PDE3B: variants seen among roughly 807,000 people sequenced by gnomAD.
PDE3B encodes the protein cGMP-inhibited 3',5'-cyclic phosphodiesterase 3B.
PDE3B carries 66 observed loss-of-function variants against 116.8 expected under a neutral mutation model. The ratio of observed to expected loss-of-function variants is 0.56; its 90% CI spans 0.46 to 0.69. The LOEUF (loss-of-function observed/expected upper bound fraction) is 0.69. Ranked by LOEUF, PDE3B falls within the 30% of genes least tolerant of loss-of-function variation. PDE3B has a pLI of 0.00. For synonymous variants in PDE3B, 595 were observed against 533.6 expected, an observed-to-expected ratio of 1.12 and a Z score of -1.59; for missense variants, 1,384 against 1,368.1, an observed-to-expected ratio of 1.01 and a Z score of -0.18.
At chr11:14,735,015 C>T (rs1856560151) in intron 1 of PDE3B, among the ~76,000 whole-genome samples, 1 of 152,168 alleles carries the variant, frequency 6.6e-6, no homozygotes, top group Non-Finnish European at 1.5e-5. Context: ...TCTTTCATCT[C>T]TTTCAATCTA....
Position 14,644,144 on chromosome 11 carries a change from C to T in PDE3B, c.69C>T (p.Pro23=), listed in dbSNP as rs1392533689. The change falls in exon 1 of 16, where the codon CCC becomes CCT. Residue 23 remains proline, a synonymous_variant. Coordinates refer to ENST00000282096, the MANE Select transcript of PDE3B (RefSeq NM_000922.4). ...AGCCGCCGGATGGGGCCGGCTCGCC[C>T]CCCGAGAGTCTGAGGAACGGCTACG... The part of the protein sequence containing the change: ...SLQPPDGAGS[P]PESLRNGYVK... 5 of 1,591,600 alleles carry T rather than the reference C, an allele frequency of 3.1e-6. No homozygotes were observed. Among genetic ancestry groups the T allele is most frequent in the East Asian group, 2.3e-5 (1 of 43,720 alleles).
At chr11:14,892,185 A>C in the PDE3B span, 8 of 1,610,374 alleles carry the variant, frequency 5.0e-6, no homozygotes, top group Non-Finnish European at 6.8e-6. Flanking sequence ...CGCCCTCTTC[A>C]GCTCTCCAAA....
intron 2 of PDE3B, among the ~76,000 whole-genome samples, chr11:14,785,196 T>C (rs913479258): frequency 6.6e-6 from 1 of 152,148 alleles, no homozygotes; most frequent in African/African-American, 2.4e-5. Flanking sequence ...TTAATTTGCA[T>C]TCAGCAATTC....
chr11:14,868,522 G>A (rs782350363), intron 15 of PDE3B, among the ~76,000 whole-genome samples: 4 of 152,194 alleles, frequency 2.6e-5, no homozygotes, highest in Non-Finnish European at 5.9e-5. Context: ...TTACCAAACT[G>A]TAATGACATA....
intron 2 of PDE3B, chr11:14,772,646 C>A (rs1277393347): frequency 6.6e-6 from 1 of 151,840 alleles, no homozygotes; most frequent in Non-Finnish European, 1.5e-5. Flanking sequence ...TTTATATATA[C>A]ACAAATGGAA....
At chr11:14,740,661 T>C (rs977807718) in intron 1 of PDE3B, among the ~76,000 whole-genome samples, 2 of 152,220 alleles carry the variant, frequency 1.3e-5, no homozygotes, top group Non-Finnish European at 2.9e-5. Context: ...ATTTGTTTGC[T>C]CTTGCTTCTC....
the PDE3B span, among the ~76,000 whole-genome samples, chr11:14,894,892 G>A: frequency 6.6e-6 from 1 of 152,348 alleles, no homozygotes; most frequent in East Asian, 1.9e-4. Context: ...AGGGCAGCAG[G>A]AAGTTAAGTA....
chr11:14,663,210 G>T (rs1276469199), intron 1 of PDE3B, among the ~76,000 whole-genome samples: 3 of 152,056 alleles, frequency 2.0e-5, no homozygotes, highest in Admixed American at 6.5e-5. Flanking sequence ...TCCAAACTAA[G>T]CTTCATAAGT....
intron 1 of PDE3B, among the ~76,000 whole-genome samples, chr11:14,678,101 G>A (rs1416230561): frequency 6.6e-6 from 1 of 151,988 alleles, no homozygotes. Context: ...GCTGATTTTT[G>A]TATTTTTAGT....
At chr11:14,891,738 C>A in the PDE3B span, 1 of 1,332,116 alleles carries the variant, frequency 7.5e-7, no homozygotes, top group Non-Finnish European at 9.6e-7. Flanking sequence ...AGGACTGGAT[C>A]GCCTCGGAGC....
At chr11:14,671,164 T>G (rs1854354582) in intron 1 of PDE3B, among the ~76,000 whole-genome samples, 1 of 152,096 alleles carries the variant, frequency 6.6e-6, no homozygotes, top group Admixed American at 6.6e-5. Flanking sequence ...GTGAAATAAA[T>G]TTCAGGTAGT....
intron 4 of PDE3B, among the ~76,000 whole-genome samples, chr11:14,802,514 T>TA (rs1311437674): frequency 2.0e-5 from 3 of 152,174 alleles, no homozygotes; most frequent in African/African-American, 7.2e-5. Flanking sequence ...ACGAACTGGG[T>TA]ACCTCAGTTG....
At chr11:14,680,355 GGTTATATGTGATGTT>G in intron 1 of PDE3B, among the ~76,000 whole-genome samples, 1 of 152,258 alleles carries the variant, frequency 6.6e-6, no homozygotes, top group Non-Finnish European at 1.5e-5. Context: ...GGTCAGGCCT[GGTTATATGTGATGTT>G]CTCCTTTGGT....
chr11:14,653,614 G>A (rs1483099718), intron 1 of PDE3B, among the ~76,000 whole-genome samples: 3 of 151,010 alleles, frequency 2.0e-5, no homozygotes, highest in South Asian at 2.1e-4. Context: ...CCAAAGCTTC[G>A]GATTATATAA....
rs953046647 is a variant in PDE3B, at chr11:14,830,803, A to G, written c.1913A>G (p.Asp638Gly). 3.2e-6 allele frequency: 5 copies of G among 1,540,058 alleles called. No individual in the cohort carries two copies. The highest frequency in any genetic ancestry group is 4.3e-6 in the Non-Finnish European group (5 of 1,149,482). The change falls in exon 8 of 16, where the codon GAT becomes GGT. Residue 638 changes from aspartate (D) to glycine (G), a missense_variant. By Grantham distance (94) the Asp-to-Gly change is moderately conservative. Around this residue, in one of 2 missense-constraint regions of PDE3B, gnomAD observed 956 missense variants for 806.8 expected, o/e 1.18. Transcript: ENST00000282096. The stretch of plus-strand genomic sequence containing the variant: ...AGCAGAAAATTATTTCAGGAAGGTG[A>G]TAAGTGGCTAACAGAAGAGGCACAG... ...KDSRKLFQEG[D>G]KWLTEEAQSE...
chr11:14,825,583 C>T (rs951928515), intron 7 of PDE3B, among the ~76,000 whole-genome samples: 1 of 151,974 alleles, frequency 6.6e-6, no homozygotes, highest in Non-Finnish European at 1.5e-5. Flanking sequence ...TTCAATAAGA[C>T]CTAACTATTC....
Position 14,789,133 on chromosome 11 carries a change from C to G in PDE3B, c.1306C>G (p.Pro436Ala). Residue 436 changes from proline to alanine, a missense_variant, in exon 4 of 16, where the codon CCA (proline) becomes GCA (alanine). By Grantham distance (27) the Pro-to-Ala change is conservative (BLOSUM62 -1). Coordinates refer to ENST00000282096, the MANE Select transcript of PDE3B (RefSeq NM_000922.4). ...KGLNRNSLPT[P>A]QLRRSSGTSG... Reference sequence around the variant, plus strand: ...ACTAAATAGGAATAGTTTGCCAACTCCACAGCTGAGGAGAAGCTCAGGAAC... The same window carrying G: ...ACTAAATAGGAATAGTTTGCCAACTGCACAGCTGAGGAGAAGCTCAGGAAC... The G allele has an allele frequency of 6.2e-7, 1 of 1,610,648 alleles. No homozygotes were observed. Among genetic ancestry groups the G allele is most frequent in the South Asian group, 1.1e-5 (1 of 90,788 alleles).
the PDE3B span, among the ~76,000 whole-genome samples, chr11:14,878,784 C>T: frequency 6.6e-6 from 1 of 152,062 alleles, no homozygotes; most frequent in African/African-American, 2.4e-5. Flanking sequence ...TCTAGTTTTA[C>T]TTAAGTGACT....
At chr11:14,896,542 T>G in the PDE3B span, among the ~76,000 whole-genome samples, 149 of 152,330 alleles carry the variant, frequency 9.8e-4, 5 homozygotes, top group East Asian at 0.027. Context: ...TGCCAAACAT[T>G]TTTGTTTTCT....
Sources: allele counts gnomAD v4.1 joint callset (sites outside exome capture counted in the v4.1 genomes callset), GRCh38; gene constraint gnomAD v4.1.1; regional missense constraint gnomAD v4.1.1; transcripts MANE v1.5; gene names NCBI Gene and HGNC (gene_info 2026-07-23, HGNC 2026-07-21).